Variants in SLC25A21 observed in about 807,000 individuals in gnomAD.
SLC25A21 encodes solute carrier family 25 member 21, also known as mitochondrial 2-oxodicarboxylate carrier.
In SLC25A21, 47 loss-of-function variants were observed where a neutral mutation model predicts 43.8. The ratio of observed to expected loss-of-function variants is 1.07; its 90% CI spans 0.85 to 1.37. SLC25A21 has a LOEUF of 1.37. Ranked by LOEUF, SLC25A21 falls within the 40% of genes most tolerant of loss-of-function variation. The pLI, the probability that SLC25A21 is intolerant of heterozygous loss-of-function variation, is 0.00. For synonymous variants in SLC25A21, 131 were observed against 121.3 expected, an observed-to-expected ratio of 1.08 and a Z score of -0.52; for missense variants, 352 against 350.2, an observed-to-expected ratio of 1.00 and a Z score of -0.04.
intron 1 of SLC25A21, among the ~76,000 whole-genome samples, chr14:37,053,932 G>C (rs193015398): frequency 6.6e-6 from 1 of 152,174 alleles, no homozygotes; most frequent in African/African-American, 2.4e-5. Flanking sequence ...TTAAAAACTG[G>C]TTGCCTTAGA....
chr14:36,817,064 A>T (rs1435653352), intron 2 of SLC25A21, among the ~76,000 whole-genome samples: 1 of 152,170 alleles, frequency 6.6e-6, no homozygotes, highest in Non-Finnish European at 1.5e-5. Context: ...GCTTTAATTA[A>T]GTTCATTTAT....
chr14:36,813,957 CT>C lies in SLC25A21; in HGVS notation c.163del (p.Ser55AlafsTer3). ...RCATDPNSYK[S>X]LVDSFRMIFQ... is the part of the protein sequence containing the mutation. Reference sequence around the variant, plus strand: ...AATCATTCGAAAGCTGTCTACCAAGCTTTTATAACTGTTTGGATCGGTTGCA... The same window carrying C: ...AATCATTCGAAAGCTGTCTACCAAGCTTTATAACTGTTTGGATCGGTTGCA... On this transcript the variant is annotated frameshift_variant, in exon 3 of 10. Coordinates refer to ENST00000331299, the MANE Select transcript of SLC25A21 (RefSeq NM_030631.4). LOFTEE classifies it high-confidence loss of function. The C allele has an allele frequency of 6.2e-7, 1 of 1,610,158 alleles. No homozygotes were observed. The highest frequency in any genetic ancestry group is 8.5e-7 in the Non-Finnish European group (1 of 1,179,076).
At chr14:36,810,962 TCAGGGA>T (rs1481314570) in intron 3 of SLC25A21, among the ~76,000 whole-genome samples, 680 of 35,488 alleles carry the variant, frequency 0.019, no homozygotes, top group Middle Eastern at 0.074. Flanking sequence ...GAAAAGAGGG[TCAGGGA>T]GGGTGAAATA....
intron 1 of SLC25A21, among the ~76,000 whole-genome samples, chr14:37,042,146 T>C (rs1961487395): frequency 6.6e-6 from 1 of 152,202 alleles, no homozygotes; most frequent in South Asian, 2.1e-4. Context: ...TACTCTCAGC[T>C]TGTTTATATG....
chr14:36,983,728 A>C (rs1960081569), intron 1 of SLC25A21, among the ~76,000 whole-genome samples: 1 of 152,166 alleles, frequency 6.6e-6, no homozygotes, highest in Non-Finnish European at 1.5e-5. Context: ...AAGTCATGGA[A>C]TCAACCTGTG....
intron 1 of SLC25A21, among the ~76,000 whole-genome samples, chr14:36,906,812 T>G (rs1359274966): frequency 6.6e-6 from 1 of 152,090 alleles, no homozygotes; most frequent in East Asian, 1.9e-4. Flanking sequence ...TGGGAAGTCA[T>G]TTAATTTCTA....
At chr14:36,747,482 C>T (rs1176258160) in intron 3 of SLC25A21, among the ~76,000 whole-genome samples, 1 of 152,148 alleles carries the variant, frequency 6.6e-6, no homozygotes, top group Non-Finnish European at 1.5e-5. Flanking sequence ...ACAGCTTGAC[C>T]TAGCTACAGG....
At chr14:36,914,871 C>T (rs1891788202) in intron 1 of SLC25A21, among the ~76,000 whole-genome samples, 1 of 151,958 alleles carries the variant, frequency 6.6e-6, no homozygotes, top group Non-Finnish European at 1.5e-5. Context: ...ATTGTCTTTT[C>T]CCTGAAGGAA....
At chr14:36,766,319 T>C (rs1293312696) in intron 3 of SLC25A21, among the ~76,000 whole-genome samples, 1 of 152,230 alleles carries the variant, frequency 6.6e-6, no homozygotes, top group Non-Finnish European at 1.5e-5. Flanking sequence ...AAAATATATG[T>C]TTTAAATATG....
intron 3 of SLC25A21, among the ~76,000 whole-genome samples, chr14:36,745,187 G>C (rs7492576): frequency 0.37 from 56,695 of 151,814 alleles, 10,862 homozygotes; most frequent in South Asian, 0.53. Context: ...CCTTTTTTAT[G>C]GCTGCATAGT....
intron 3 of SLC25A21, among the ~76,000 whole-genome samples, chr14:36,751,928 T>G (rs917848197): frequency 3.3e-5 from 5 of 152,228 alleles, no homozygotes; most frequent in Admixed American, 6.5e-5. Flanking sequence ...AGTCTATATT[T>G]GGAATGTGAA....
chr14:36,840,191 G>T (rs1485199235), intron 2 of SLC25A21, among the ~76,000 whole-genome samples: 1 of 151,682 alleles, frequency 6.6e-6, no homozygotes, highest in African/African-American at 2.4e-5. Context: ...CTGAACTATG[G>T]TTAAGAATAA....
chr14:37,017,151 T>C (rs1960875322), intron 1 of SLC25A21, among the ~76,000 whole-genome samples: 2 of 152,090 alleles, frequency 1.3e-5, no homozygotes, highest in African/African-American at 2.4e-5. Context: ...GCAAGAGGCC[T>C]AGCTTTTGGC....
At chr14:36,811,628 C>A (rs1007076796) in intron 3 of SLC25A21, among the ~76,000 whole-genome samples, 2 of 151,774 alleles carry the variant, frequency 1.3e-5, no homozygotes, top group Non-Finnish European at 2.9e-5. Context: ...CTCCAGCCTG[C>A]GTAACAGAGT....
At chr14:37,092,033 G>T (rs113305554) in intron 1 of SLC25A21, among the ~76,000 whole-genome samples, 5 of 152,064 alleles carry the variant, frequency 3.3e-5, no homozygotes, top group Admixed American at 3.3e-4. Flanking sequence ...AGGCTGAGGT[G>T]GGGGGATCAT....
At chr14:36,978,638 T>C (rs1566787193) in intron 1 of SLC25A21, among the ~76,000 whole-genome samples, 1 of 152,216 alleles carries the variant, frequency 6.6e-6, no homozygotes, top group Non-Finnish European at 1.5e-5. Context: ...TAATATAATA[T>C]AAAACTTTAC....
intron 1 of SLC25A21, among the ~76,000 whole-genome samples, chr14:37,003,549 A>T (rs892572674): frequency 2.0e-5 from 3 of 152,220 alleles, no homozygotes; most frequent in Non-Finnish European, 4.4e-5. Context: ...CACAAGTTGG[A>T]ATATATTCAT....
chr14:36,948,688 A>G (rs1405799657), intron 1 of SLC25A21, among the ~76,000 whole-genome samples: 1 of 152,154 alleles, frequency 6.6e-6, no homozygotes, highest in Non-Finnish European at 1.5e-5. Flanking sequence ...ACAAGTGGCA[A>G]TTGTGCACTT....
chr14:36,777,615 T>C (rs1333594723), intron 3 of SLC25A21, among the ~76,000 whole-genome samples: 1 of 152,174 alleles, frequency 6.6e-6, no homozygotes, highest in Non-Finnish European at 1.5e-5. Context: ...GCTGGAATTA[T>C]GGTGTCACTA....
Sources: gnomAD v4.1 joint callset for allele counts (sites outside exome capture counted in the v4.1 genomes callset) on GRCh38, gnomAD v4.1.1 for gene constraint, MANE v1.5 for transcripts, NCBI Gene and HGNC (gene_info 2026-07-23, HGNC 2026-07-21) for gene names.